Variants in NLGN1 observed in about 807,000 individuals in gnomAD.
NLGN1 encodes the protein neuroligin 1.
In NLGN1, 12 loss-of-function variants were observed where a neutral mutation model predicts 65.5. The observed-to-expected ratio is 0.18, with a 90% CI of 0.12 to 0.30. NLGN1 has a LOEUF of 0.30. Among genes scored for constraint, NLGN1 ranks in the 10% least tolerant of loss-of-function variants. The pLI is 1.00. For missense variants in NLGN1, 750 were observed against 1,007.1 expected, an observed-to-expected ratio of 0.74 and a Z score of 3.46; for synonymous variants, 350 against 359.5, an observed-to-expected ratio of 0.97 and a Z score of 0.30.
intron 3 of NLGN1, among the ~76,000 whole-genome samples, chr3:173,675,156 C>G (rs541463341): frequency 6.6e-6 from 1 of 152,114 alleles, no homozygotes; most frequent in East Asian, 1.9e-4. Context: ...AAGAGAGAAG[C>G]AGCAGAAAGG....
In NLGN1 at chr3:173,800,337, G is replaced by A. The variant is rs569835535; in HGVS notation, c.494-7343G>A. The A allele has an allele frequency of 4.6e-5, 56 of 1,213,434 alleles. No individual in the cohort carries two copies. The African/African-American group carries it at 7.3e-4, about 16-fold the overall frequency. The allele number at this position is 1,213,434 out of a possible 1,614,324, so 75.2% of individuals were successfully genotyped here. ...GACAGATGATTTAGGTGATAATGAC[G>A]GTGCTGAAGATGAAGGTATTTTTTT... On this transcript the variant is annotated intron_variant, in intron 3 of 6. Transcript: ENST00000457714.
At chr3:173,592,117 C>A (rs1267883459) in intron 2 of NLGN1, among the ~76,000 whole-genome samples, 10 of 151,890 alleles carry the variant, frequency 6.6e-5, no homozygotes, top group African/African-American at 2.4e-4. Flanking sequence ...GCCCCTCTTG[C>A]CCCCTTCACC....
intron 3 of NLGN1, among the ~76,000 whole-genome samples, chr3:173,642,086 C>T (rs998182606): frequency 8.6e-5 from 13 of 151,708 alleles, no homozygotes. Context: ...TACTTCTGTT[C>T]TGGCCAAAAT....
At chr3:173,800,253 CT>C (rs749351861) in intron 3 of NLGN1, 38,381 of 574,236 alleles carry the variant, frequency 0.067, no homozygotes, top group South Asian at 0.1. Context: ...CTTGAATTGT[CT>C]TTTTTTTTTT....
chr3:173,838,244 C>T (rs1472698883), intron 4 of NLGN1, among the ~76,000 whole-genome samples: 2 of 151,740 alleles, frequency 1.3e-5, no homozygotes, highest in Non-Finnish European at 2.9e-5. Context: ...TTATAATCTA[C>T]TGTATAAAAA....
chr3:173,461,148 A>T (rs562212794), intron 2 of NLGN1, among the ~76,000 whole-genome samples: 12 of 152,132 alleles, frequency 7.9e-5, no homozygotes, highest in African/African-American at 2.9e-4. Flanking sequence ...ATGAGCCTTG[A>T]TGTAAGGAAA....
intron 1 of NLGN1, among the ~76,000 whole-genome samples, chr3:173,418,930 G>A (rs2082897): frequency 0.29 from 43,497 of 149,106 alleles, 6,609 homozygotes; most frequent in Middle Eastern, 0.42. Context: ...GGCTTTGAAT[G>A]TGGCCCATCA....
At chr3:173,534,485 G>A (rs1407812550) in intron 2 of NLGN1, among the ~76,000 whole-genome samples, 5 of 152,182 alleles carry the variant, frequency 3.3e-5, no homozygotes, top group Non-Finnish European at 7.4e-5. Context: ...TTCCCCCCAT[G>A]GCACTTTGCT....
chr3:173,848,155 G>T (rs550438849), intron 4 of NLGN1, among the ~76,000 whole-genome samples: 1 of 152,148 alleles, frequency 6.6e-6, no homozygotes, highest in Non-Finnish European at 1.5e-5. Context: ...CTGAAAAATA[G>T]TGATAATTAC....
chr3:173,567,985 T>C (rs1215309343), intron 2 of NLGN1, among the ~76,000 whole-genome samples: 1 of 152,118 alleles, frequency 6.6e-6, no homozygotes, highest in Non-Finnish European at 1.5e-5. Flanking sequence ...CAAATAAAAA[T>C]GTATATATTT....
At chr3:173,661,589 C>A (rs749089447) in intron 3 of NLGN1, among the ~76,000 whole-genome samples, 1 of 151,976 alleles carries the variant, frequency 6.6e-6, no homozygotes, top group Non-Finnish European at 1.5e-5. Flanking sequence ...AAAAGAATTT[C>A]TTCTTTGATT....
intron 4 of NLGN1, among the ~76,000 whole-genome samples, chr3:173,915,265 A>G (rs915076250): frequency 1.3e-5 from 2 of 152,234 alleles, no homozygotes; most frequent in African/African-American, 2.4e-5. Flanking sequence ...TCGATTTCCT[A>G]TTGGAAAAAA....
chr3:174,107,959 T>C (rs993415045), intron 4 of NLGN1, among the ~76,000 whole-genome samples: 5 of 152,172 alleles, frequency 3.3e-5, no homozygotes, highest in Non-Finnish European at 7.4e-5. Context: ...TCATGTCTTT[T>C]GCCCATTTTC....
chr3:173,403,181 A>T (rs1047356012), intron 1 of NLGN1, among the ~76,000 whole-genome samples: 23 of 152,116 alleles, frequency 1.5e-4, no homozygotes, highest in East Asian at 5.8e-4. Flanking sequence ...GTTTTTTTTT[A>T]AAATAGAAAC....
chr3:173,470,026 G>T (rs1171588229), intron 2 of NLGN1, among the ~76,000 whole-genome samples: 1 of 151,648 alleles, frequency 6.6e-6, no homozygotes, highest in Non-Finnish European at 1.5e-5. Flanking sequence ...GCATTTGAGG[G>T]TGACCCTCAG....
At chr3:173,867,916 A>G (rs536597681) in intron 4 of NLGN1, among the ~76,000 whole-genome samples, 9 of 152,288 alleles carry the variant, frequency 5.9e-5, no homozygotes, top group African/African-American at 2.2e-4. Context: ...TGCTCTAGAT[A>G]TAACAGCTAC....
At chr3:173,931,454 C>G (rs1744079091) in intron 4 of NLGN1, among the ~76,000 whole-genome samples, 1 of 152,022 alleles carries the variant, frequency 6.6e-6, no homozygotes, top group Non-Finnish European at 1.5e-5. Flanking sequence ...GAGGAAAGAT[C>G]ATTTAAAGAC....
intron 2 of NLGN1, among the ~76,000 whole-genome samples, chr3:173,590,843 A>C (rs1422181552): frequency 6.6e-6 from 1 of 152,182 alleles, no homozygotes; most frequent in Non-Finnish European, 1.5e-5. Context: ...TAGTGATTTC[A>C]TATAGAGTTT....
At chr3:173,839,063 C>CT (rs955976522) in intron 4 of NLGN1, among the ~76,000 whole-genome samples, 10 of 124,582 alleles carry the variant, frequency 8.0e-5, no homozygotes, top group South Asian at 2.6e-4. Flanking sequence ...TCACAGTATT[C>CT]TTTTTTTTTA....
Sources: gnomAD v4.1 joint callset for allele counts (sites outside exome capture counted in the v4.1 genomes callset) on GRCh38, gnomAD v4.1.1 for gene constraint, MANE v1.5 for transcripts, NCBI Gene and HGNC (gene_info 2026-07-23, HGNC 2026-07-21) for gene names.